Variants in USH2A observed in about 807,000 individuals in gnomAD.
USH2A encodes Usher syndrome 2A (autosomal recessive, mild).
Under a neutral mutation model 538.9 loss-of-function variants are expected in USH2A, and 443 were observed. That is an observed-to-expected ratio of 0.82 (90% CI 0.76 to 0.89). The LOEUF is 0.89. Ranked by LOEUF, USH2A falls within the 40% of genes least tolerant of loss-of-function variation. USH2A has a pLI of 0.00. For missense variants in USH2A, 6,633 were observed against 6,324.8 expected (o/e 1.05, Z -1.65); for synonymous variants, 2,413 against 2,273.5 (o/e 1.06, Z -1.75).
At chr1:215,930,397 C>T (rs532916764) in intron 38 of USH2A, among the ~76,000 whole-genome samples, 30 of 151,592 alleles carry the variant, frequency 2.0e-4, no homozygotes, top group African/African-American at 6.8e-4. Context: ...GATTTCAGTT[C>T]ATCTGGAAAA....
intron 43 of USH2A, among the ~76,000 whole-genome samples, chr1:215,875,170 C>A (rs776322942): frequency 1.3e-5 from 2 of 152,290 alleles, no homozygotes; most frequent in East Asian, 3.9e-4. Flanking sequence ...TTGCAAGACA[C>A]TCCCCCTTGG....
chr1:216,244,447 G>T (rs1294357121), intron 13 of USH2A, among the ~76,000 whole-genome samples: 1 of 152,098 alleles, frequency 6.6e-6, no homozygotes, highest in Non-Finnish European at 1.5e-5. Context: ...GTGCTTTAGG[G>T]GAATTATTCT....
At chr1:215,903,679 T>C (rs1665560909) in intron 38 of USH2A, among the ~76,000 whole-genome samples, 1 of 152,060 alleles carries the variant, frequency 6.6e-6, no homozygotes, top group Non-Finnish European at 1.5e-5. Flanking sequence ...AGTGAGTAGA[T>C]TCAGTGATGG....
intron 3 of USH2A, among the ~76,000 whole-genome samples, chr1:216,414,022 G>T (rs920792186): frequency 6.6e-6 from 1 of 151,942 alleles, no homozygotes; most frequent in Non-Finnish European, 1.5e-5. Context: ...AATCCATAAC[G>T]AAATGCTAAA....
chr1:216,236,770 G>C (rs577779498), intron 13 of USH2A, among the ~76,000 whole-genome samples: 1 of 152,230 alleles, frequency 6.6e-6, no homozygotes, highest in South Asian at 2.1e-4. Context: ...GAACAGAGCT[G>C]CAGAAAGAAA....
In USH2A at chr1:216,194,016, A is replaced by G. The variant is rs143043230; in HGVS notation, c.4251+2537T>C. ...CACAGTTCAGCTTCTTTGCTGCTCA[A>G]TCCTACATACTTTATCACTTCACAT... is the stretch of plus-strand genomic sequence containing the variant. On this transcript the variant is annotated intron_variant, in intron 19 of 71. Transcript: ENST00000307340. 8 of 152,214 alleles carry G rather than the reference A, an allele frequency of 5.3e-5. No homozygotes were observed. In the East Asian group the frequency reaches 9.7e-4, roughly 18 times the overall value. The allele number at this position is 152,214 out of a possible 1,614,324, so 9.4% of individuals were successfully genotyped here. A position where few individuals can be genotyped will look rare whatever the true frequency, so the allele number is the denominator to read the frequency against.
chr1:215,886,081 T>C (rs528391730), intron 41 of USH2A, among the ~76,000 whole-genome samples: 1 of 152,348 alleles, frequency 6.6e-6, no homozygotes, highest in African/African-American at 2.4e-5. Flanking sequence ...TGTACTGATG[T>C]TCCGTAAATG....
intron 61 of USH2A, among the ~76,000 whole-genome samples, chr1:215,685,354 G>T (rs112646414): frequency 2.9e-3 from 332 of 113,644 alleles, no homozygotes; most frequent in East Asian, 5.8e-3. Context: ...TGTTGTTGTT[G>T]TTTTTTTTTT....
intron 27 of USH2A, among the ~76,000 whole-genome samples, chr1:216,076,319 A>C (rs1284794665): frequency 1.3e-5 from 2 of 152,296 alleles, no homozygotes; most frequent in East Asian, 3.9e-4. Context: ...ATTACTCACT[A>C]ATAAAATATC....
chr1:215,710,588 G>A (rs988334384), intron 61 of USH2A, among the ~76,000 whole-genome samples: 1 of 152,054 alleles, frequency 6.6e-6, no homozygotes, highest in Non-Finnish European at 1.5e-5. Flanking sequence ...AGGGTCCTAC[G>A]GCTCTAGGTG....
At position 215,931,925 on chromosome 1, in the gene USH2A, T is replaced by C. The variant is rs1019116568; in HGVS notation, c.7300+2691A>G. Among the ~76,000 whole-genome samples, 3 of 151,940 alleles carry C rather than the reference T, an allele frequency of 2.0e-5. No homozygotes were observed. The East Asian group carries it at 5.8e-4, about 29-fold the overall frequency. ...AAACATGACTTTCTGATAGACCAAT[T>C]TCTAGGTTTGAGGCTAAAAAATGAG... On this transcript the variant is annotated intron_variant, in intron 38 of 71. Transcript: ENST00000307340.
At chr1:216,272,769 A>G (rs2036599408) in intron 11 of USH2A, among the ~76,000 whole-genome samples, 1 of 152,164 alleles carries the variant, frequency 6.6e-6, no homozygotes, top group Non-Finnish European at 1.5e-5. Flanking sequence ...AAGGAAGGAT[A>G]GACATTGATT....
At chr1:215,699,578 G>C (rs183403482) in intron 61 of USH2A, among the ~76,000 whole-genome samples, 206 of 152,204 alleles carry the variant, frequency 1.4e-3, no homozygotes, top group African/African-American at 4.8e-3. Context: ...TTTCTTTGTA[G>C]CAATTGTGAA....
chr1:216,297,866 A>G (rs555197863), intron 9 of USH2A, among the ~76,000 whole-genome samples: 1 of 152,256 alleles, frequency 6.6e-6, no homozygotes, highest in South Asian at 2.1e-4. Context: ...TAGTAGCCCT[A>G]TGTGTGGGGA....
chr1:215,712,671 C>T (rs1444127394), intron 61 of USH2A, among the ~76,000 whole-genome samples: 1 of 152,186 alleles, frequency 6.6e-6, no homozygotes, highest in Non-Finnish European at 1.5e-5. Flanking sequence ...CTTGGGTCAA[C>T]TGCCACAAGA....
At chr1:216,240,876 A>G (rs892466988) in intron 13 of USH2A, among the ~76,000 whole-genome samples, 1 of 152,180 alleles carries the variant, frequency 6.6e-6, no homozygotes, top group South Asian at 2.1e-4. Flanking sequence ...GCCCTTGGAT[A>G]TAGCTGTGCA....
Position 216,190,322 on chromosome 1 carries a change from C to T in USH2A, c.4297G>A (p.Gly1433Arg). Residue 1433 changes from glycine (G) to arginine (R), a missense_variant, in exon 20 of 72, where the codon GGA becomes AGA. Physicochemically the swap from Gly to Arg is moderately radical, Grantham distance 125 (BLOSUM62 -2). Coordinates refer to ENST00000307340, the MANE Select transcript of USH2A (RefSeq NM_206933.4). Reference sequence around the variant, plus strand: ...TCATATATCCTATAAGGTTTCAGTCCTTCTACAGTGTAAGATAGTTCTTGG... The same window carrying T: ...TCATATATCCTATAAGGTTTCAGTCTTTCTACAGTGTAAGATAGTTCTTGG... ...KSQELSYTVE[G>R]LKPYRIYEFT... 6.2e-7 allele frequency: 1 copy of T among 1,612,160 alleles called. No individual in the cohort carries two copies. The highest frequency in any genetic ancestry group is 8.5e-7 in the Non-Finnish European group (1 of 1,178,938).
At position 216,252,652 on chromosome 1, in the gene USH2A, A is replaced by C. The variant is rs562067917; in HGVS notation, c.1972-1554T>G. Among the ~76,000 whole-genome samples, 6 of 152,358 alleles carry C rather than the reference A, an allele frequency of 3.9e-5. No individual in the cohort carries two copies. The South Asian group carries it at 1.2e-3, about 32-fold the overall frequency. On this transcript the variant is annotated intron_variant, in intron 11 of 71. Transcript: ENST00000307340. ...AAATAAATGGTTATATGCAAACCAA[A>C]TGTAGTTGTAGCTAATAATGAACCT...
intron 19 of USH2A, among the ~76,000 whole-genome samples, chr1:216,192,569 G>A (rs1030129635): frequency 6.6e-6 from 1 of 151,826 alleles, no homozygotes; most frequent in African/African-American, 2.4e-5. Flanking sequence ...AGGTGTAGTG[G>A]CACACACCTG....
Sources: gnomAD v4.1 joint callset for allele counts (sites outside exome capture counted in the v4.1 genomes callset) on GRCh38, gnomAD v4.1.1 for gene constraint, MANE v1.5 for transcripts, NCBI Gene and HGNC (gene_info 2026-07-23, HGNC 2026-07-21) for gene names.